The following DCTN4 variants were observed in gnomAD, a reference collection of about 807,000 sequenced individuals.
DCTN4 encodes the protein dynactin 4 (p62).
In DCTN4, 23 loss-of-function variants were observed where a neutral mutation model predicts 62.7. The ratio of observed to expected loss-of-function variants is 0.37; its 90% confidence interval spans 0.26 to 0.52. The LOEUF (loss-of-function observed/expected upper bound fraction) is 0.52, where lower values mean the gene tolerates loss of function less well. DCTN4 is among the 20% of genes least tolerant of loss of function. The pLI, the probability that DCTN4 is intolerant of heterozygous loss-of-function variation, is 0.92. For missense variants in DCTN4, 514 were observed against 580.4 expected (o/e 0.89, Z 1.18); for synonymous variants, 199 against 202.1 (o/e 0.98, Z 0.13).
chr5:150,732,024 A>T, intron 5 of DCTN4: 4 of 871,688 alleles, frequency 4.6e-6, no homozygotes, highest in Non-Finnish European at 7.5e-6. Context: ...AATTCATTTA[A>T]TTCAAATTCT....
chr5:150,713,461 T>G (rs1027668110), intron 12 of DCTN4, among the ~76,000 whole-genome samples: 3 of 148,604 alleles, frequency 2.0e-5, no homozygotes, highest in Admixed American at 6.6e-5. Context: ...TTTTTTTTTT[T>G]GAGACGGAGT....
At chr5:150,754,831 A>T (rs928714721) in intron 2 of DCTN4, among the ~76,000 whole-genome samples, 1 of 152,134 alleles carries the variant, frequency 6.6e-6, no homozygotes, top group African/African-American at 2.4e-5. Context: ...CAGGTGTGGT[A>T]GCATGTGCCT....
intron 5 of DCTN4, chr5:150,732,005 T>C (rs952466603): frequency 2.9e-6 from 3 of 1,023,502 alleles, no homozygotes; most frequent in Non-Finnish European, 4.5e-6. Flanking sequence ...ATGGGAAAAT[T>C]GGAAGAATAA....
At chr5:150,743,445 A>T (rs139507034) in intron 3 of DCTN4, among the ~76,000 whole-genome samples, 1 of 152,236 alleles carries the variant, frequency 6.6e-6, no homozygotes, top group African/African-American at 2.4e-5. Flanking sequence ...TGAGCAGAGC[A>T]GTGGTTCTCC....
chr5:150,710,778 T>A lies in DCTN4; in HGVS notation c.*371A>T. 4.3e-6 allele frequency: 1 copy of A among 230,662 alleles called. No homozygotes were observed. The highest frequency in any genetic ancestry group is 8.7e-6 in the Non-Finnish European group (1 of 114,744). The allele number at this position is 230,662 out of a possible 1,614,324, so 14.3% of individuals were successfully genotyped here. ...CCTTTGGGTTATCATTTAAGTTTCA[T>A]CTGTGACATTGTGATCCTTAGTGAG... On this transcript the variant is annotated 3_prime_UTR_variant, in exon 13 of 13. Coordinates refer to ENST00000447998, the MANE Select transcript of DCTN4 (RefSeq NM_016221.4).
chr5:150,731,827 C>T lies in DCTN4; in HGVS notation c.538-338G>A, dbSNP rs368826196. 1.2e-4 allele frequency: 181 copies of T among 1,463,874 alleles called. No individual in the cohort carries two copies. The African/African-American group carries it at 2.4e-3, about 19-fold the overall frequency. The allele number at this position is 1,463,874 out of a possible 1,614,324, so 90.7% of individuals were successfully genotyped here. On this transcript the variant is annotated intron_variant, in intron 5 of 12. Transcript: ENST00000447998. ...ATACACAACAGACGTCTTCCTGGAA[C>T]ACCAGTGGTCATCTGCTAACTTCTT...
rs74765877 is a variant in DCTN4, at chr5:150,716,218, C to G, written c.1072-556G>C. On this transcript the variant is annotated intron_variant, in intron 11 of 12. Coordinates refer to ENST00000447998, the MANE Select transcript of DCTN4 (RefSeq NM_016221.4). ...CGCGCCTAGCCCTAATGTTTAATTT[C>G]TTAAGGGGATGGGGAGAAATGGGTA... Among the ~76,000 whole-genome samples the G allele has an allele frequency of 6.7e-3, 1,019 of 152,176 alleles. 15 individuals are homozygous for G. Among genetic ancestry groups the G allele is most frequent in the African/African-American group, 0.023 (969 of 41,532 alleles).
intron 4 of DCTN4, among the ~76,000 whole-genome samples, chr5:150,738,480 T>C (rs765711868): frequency 2.3e-4 from 35 of 152,282 alleles, no homozygotes; most frequent in Non-Finnish European, 4.4e-4. Flanking sequence ...TCAATAAATG[T>C]AATACACCAC....
chr5:150,753,002 G>A (rs1178410047), intron 3 of DCTN4, among the ~76,000 whole-genome samples: 2 of 152,012 alleles, frequency 1.3e-5, no homozygotes, highest in Non-Finnish European at 2.9e-5. Flanking sequence ...GAGTAGCTGG[G>A]ACTACAGGTG....
chr5:150,746,787 C>T (rs1048213716), intron 3 of DCTN4, among the ~76,000 whole-genome samples: 30 of 152,274 alleles, frequency 2.0e-4, no homozygotes, highest in Middle Eastern at 3.4e-3. Context: ...TGGGACGTAT[C>T]TCAAAATAAT....
At chr5:150,731,865 G>C in intron 5 of DCTN4, 13 of 1,550,986 alleles carry the variant, frequency 8.4e-6, no homozygotes, top group Non-Finnish European at 9.6e-6. Context: ...GGGTCAGCAA[G>C]AATCATAAAG....
chr5:150,716,728 G>A (rs1759770556), intron 11 of DCTN4, among the ~76,000 whole-genome samples: 1 of 152,068 alleles, frequency 6.6e-6, no homozygotes, highest in Non-Finnish European at 1.5e-5. Context: ...GACCATCCTG[G>A]CCAACAGGGT....
At chr5:150,757,524 G>A (rs1483689725) in intron 1 of DCTN4, among the ~76,000 whole-genome samples, 33 of 152,194 alleles carry the variant, frequency 2.2e-4, no homozygotes, top group Non-Finnish European at 2.9e-5. Flanking sequence ...TAATTGAAGA[G>A]AGTCTTAGAG....
chr5:150,732,277 G>A (rs1029926929), intron 5 of DCTN4, among the ~76,000 whole-genome samples: 42 of 152,252 alleles, frequency 2.8e-4, no homozygotes, highest in African/African-American at 1.0e-3. Context: ...AGCCTCCCAA[G>A]TAGCTGAGAT....
At chr5:150,712,771 T>TAA (rs1309369699) in intron 12 of DCTN4, among the ~76,000 whole-genome samples, 3 of 152,252 alleles carry the variant, frequency 2.0e-5, no homozygotes, top group Admixed American at 2.0e-4. Flanking sequence ...TTTAATAACT[T>TAA]AGTTTCTGAA....
intron 1 of DCTN4, chr5:150,758,602 C>CA: frequency 3.3e-6 from 4 of 1,221,896 alleles, no homozygotes; most frequent in Non-Finnish European, 4.1e-6. Context: ...CCATCGCAGA[C>CA]AGACACGGTC....
At chr5:150,752,096 T>G (rs1463638374) in intron 3 of DCTN4, among the ~76,000 whole-genome samples, 2 of 151,654 alleles carry the variant, frequency 1.3e-5, no homozygotes, top group Admixed American at 6.6e-5. Context: ...CAATGAAACC[T>G]CAGAAAAAAA....
In DCTN4 at chr5:150,711,007, T is replaced by A. The variant is rs186059638; in HGVS notation, c.*142A>T. ...CCCTGTGTTCCCAATGCCTTGCCTA[T>A]GCTCCCACTTTCTTAGCAATAGAAT... On this transcript the variant is annotated 3_prime_UTR_variant, in exon 13 of 13. Transcript: ENST00000447998. 4.9e-6 allele frequency: 4 copies of A among 817,936 alleles called. No homozygotes were observed. The Admixed American group carries it at 1.0e-4, about 21-fold the overall frequency. 50.7% of individuals were successfully genotyped at this position (817,936 alleles called of 1,614,324 possible). A position where few individuals can be genotyped will look rare whatever the true frequency, so the allele number is the denominator to read the frequency against.
At chr5:150,743,699 G>A (rs1376989206) in intron 3 of DCTN4, among the ~76,000 whole-genome samples, 3 of 152,236 alleles carry the variant, frequency 2.0e-5, no homozygotes, top group East Asian at 3.8e-4. Context: ...GGGGACTGAA[G>A]TGGACCTCTA....
Sources: allele counts gnomAD v4.1 joint callset (sites outside exome capture counted in the v4.1 genomes callset), GRCh38; gene constraint gnomAD v4.1.1; transcripts MANE v1.5; gene names NCBI Gene and HGNC (gene_info 2026-07-23, HGNC 2026-07-21).